The following ENTHD1 variants were observed in gnomAD, a reference collection of about 807,000 sequenced individuals.
ENTHD1 encodes the protein ENTH domain-containing protein 1.
ENTHD1 carries 23 observed loss-of-function variants against 39.1 expected under a neutral mutation model. The ratio of observed to expected loss-of-function variants is 0.59; its 90% CI spans 0.42 to 0.83. ENTHD1 has a LOEUF of 0.83. ENTHD1 is among the 40% of genes least tolerant of loss of function. The probability of loss-of-function intolerance (pLI) is 0.00; values close to 1 mark genes in which losing one functional copy is unlikely to be tolerated. For missense variants in ENTHD1, 624 were observed against 705.4 expected (o/e 0.88, Z 1.31); for synonymous variants, 230 against 258.2 (o/e 0.89, Z 1.05).
intron 3 of ENTHD1, among the ~76,000 whole-genome samples, chr22:39,860,581 C>T (rs1045528596): frequency 1.1e-4 from 16 of 152,296 alleles, no homozygotes; most frequent in African/African-American, 3.1e-4. Context: ...ACTGGGTGAA[C>T]GTTTGAAACT....
chr22:39,887,147 T>C lies in ENTHD1; in HGVS notation c.349+253A>G, dbSNP rs138122494. On this transcript the variant is annotated intron_variant, in intron 2 of 6. Transcript: ENST00000325157. ...TTAAGTACAACTCTTCCCCACCTCC[T>C]GGTATAAAATGATCCCCCAAAACTC... Among the ~76,000 whole-genome samples, 700 of 152,310 alleles carry C rather than the reference T, an allele frequency of 4.6e-3. 1 individual carries two copies. The highest frequency in any genetic ancestry group is 7.4e-3 in the Non-Finnish European group (503 of 68,034).
At chr22:39,756,123 C>T (rs983266564) in intron 6 of ENTHD1, among the ~76,000 whole-genome samples, 1 of 152,210 alleles carries the variant, frequency 6.6e-6, no homozygotes, top group Non-Finnish European at 1.5e-5. Context: ...CATGCTGCCT[C>T]TTCTGTGGAA....
chr22:39,858,769 GAA>G (rs1379248836), intron 3 of ENTHD1, among the ~76,000 whole-genome samples: 1 of 152,160 alleles, frequency 6.6e-6, no homozygotes, highest in Non-Finnish European at 1.5e-5. Flanking sequence ...TATTTTTAAA[GAA>G]ATCTTAAGGG....
At chr22:39,872,929 A>G (rs1195960751) in intron 2 of ENTHD1, among the ~76,000 whole-genome samples, 1 of 151,732 alleles carries the variant, frequency 6.6e-6, no homozygotes, top group Non-Finnish European at 1.5e-5. Flanking sequence ...TCTTGGGCTC[A>G]AGCTATCTTT....
chr22:39,789,580 T>C (rs2065487826), intron 5 of ENTHD1, among the ~76,000 whole-genome samples: 1 of 152,216 alleles, frequency 6.6e-6, no homozygotes, highest in African/African-American at 2.4e-5. Flanking sequence ...AAAATATATT[T>C]CTTAGGCAGT....
chr22:39,791,331 T>TATATATAAAGATATATTAAAA (rs2065502335), intron 5 of ENTHD1, among the ~76,000 whole-genome samples: 4 of 148,558 alleles, frequency 2.7e-5, no homozygotes, highest in African/African-American at 9.8e-5. Flanking sequence ...ATATATTAAA[T>TATATATAAAGATATATTAAAA]ATATATAAAG....
chr22:39,835,967 A>G lies in ENTHD1; in HGVS notation c.593-9T>C, dbSNP rs2065905168. ...TGCCTTGCACACATTTCCTGTCAAC[A>G]ATATAAAGCTTAAGATTTTACTTTG... On this transcript the variant is annotated splice_polypyrimidine_tract_variant and intron_variant, in intron 3 of 6. Coordinates refer to ENST00000325157, the MANE Select transcript of ENTHD1 (RefSeq NM_152512.4). 1 of 1,585,062 alleles carries G rather than the reference A, an allele frequency of 6.3e-7. No homozygotes were observed. The highest frequency in any genetic ancestry group is 1.4e-5 in the African/African-American group (1 of 73,852).
chr22:39,842,169 A>AT (rs1482412590), intron 3 of ENTHD1, among the ~76,000 whole-genome samples: 1 of 150,080 alleles, frequency 6.7e-6, no homozygotes, highest in African/African-American at 2.4e-5. Context: ...TGCCCTTAAC[A>AT]TTTTTTCCTT....
At chr22:39,829,098 A>G (rs571370026) in intron 4 of ENTHD1, among the ~76,000 whole-genome samples, 1 of 152,294 alleles carries the variant, frequency 6.6e-6, no homozygotes, top group East Asian at 1.9e-4. Flanking sequence ...TGTTCAACTT[A>G]CTAGGTTTTG....
chr22:39,877,688 G>A (rs1477052593), intron 2 of ENTHD1, among the ~76,000 whole-genome samples: 1 of 152,058 alleles, frequency 6.6e-6, no homozygotes, highest in Non-Finnish European at 1.5e-5. Flanking sequence ...GCTTCTAGCA[G>A]GGGAAGGAAA....
chr22:39,860,880 C>A (rs927129886), intron 3 of ENTHD1, among the ~76,000 whole-genome samples: 13 of 152,118 alleles, frequency 8.5e-5, no homozygotes, highest in Non-Finnish European at 1.2e-4. Context: ...TAGCATTTTT[C>A]TACTCATGTC....
At chr22:39,837,226 A>G (rs778197627) in intron 3 of ENTHD1, among the ~76,000 whole-genome samples, 5 of 152,204 alleles carry the variant, frequency 3.3e-5, no homozygotes, top group Non-Finnish European at 7.3e-5. Flanking sequence ...ATTGGTATAT[A>G]CACACTACTG....
chr22:39,815,577 C>G (rs1394804007), intron 5 of ENTHD1, among the ~76,000 whole-genome samples: 1 of 152,126 alleles, frequency 6.6e-6, no homozygotes, highest in Admixed American at 6.5e-5. Context: ...CTGGCATTAC[C>G]TAGCAAATTT....
intron 1 of ENTHD1, among the ~76,000 whole-genome samples, chr22:39,890,136 AAATAAAT>A (rs1333684808): frequency 6.2e-4 from 94 of 150,844 alleles, no homozygotes; most frequent in Non-Finnish European, 6.7e-4. Flanking sequence ...ATAAATAAAT[AAATAAAT>A]AAATAAAAAA....
At chr22:39,859,112 C>T (rs2066119168) in intron 3 of ENTHD1, among the ~76,000 whole-genome samples, 1 of 152,162 alleles carries the variant, frequency 6.6e-6, no homozygotes, top group Non-Finnish European at 1.5e-5. Flanking sequence ...CCTCATGAAC[C>T]CACCTCTGCT....
intron 3 of ENTHD1, among the ~76,000 whole-genome samples, chr22:39,859,272 A>T (rs2066120344): frequency 6.6e-6 from 1 of 152,168 alleles, no homozygotes; most frequent in African/African-American, 2.4e-5. Context: ...CTTTCTCTAT[A>T]ACAGCAATAA....
rs2066189059 is a variant in ENTHD1 at position 39,867,127 on chromosome 22, TCTCCTGAC to T, written c.350-5128_350-5121del. On this transcript the variant is annotated intron_variant, in intron 2 of 6. Transcript: ENST00000325157. The surrounding 1 kb of genome is among the most constrained non-coding windows in gnomAD (Gnocchi z 4.5). ...ACCGTGTTAGCCAGGATGGTCTTGA[TCTCCTGAC>T]CTCACGATCCACCCACCTCAGCCTC... Among the ~76,000 whole-genome samples the T allele has an allele frequency of 6.6e-6, 1 of 152,042 alleles. No homozygotes were observed. Among genetic ancestry groups the T allele is most frequent in the African/African-American group, 2.4e-5 (1 of 41,390 alleles).
intron 2 of ENTHD1, among the ~76,000 whole-genome samples, chr22:39,882,385 A>G (rs2146767690): frequency 1.3e-5 from 2 of 152,346 alleles, no homozygotes; most frequent in South Asian, 4.1e-4. Flanking sequence ...CAAAACATGG[A>G]CAGCGATAAA....
At chr22:39,856,606 C>T (rs1448122829) in intron 3 of ENTHD1, among the ~76,000 whole-genome samples, 1 of 152,040 alleles carries the variant, frequency 6.6e-6, no homozygotes, top group Non-Finnish European at 1.5e-5. Flanking sequence ...AATAATGATG[C>T]CATCATTGAC....
Sources: gnomAD v4.1 joint callset for allele counts (sites outside exome capture counted in the v4.1 genomes callset) on GRCh38, gnomAD v4.1.1 for gene constraint, Gnocchi (gnomAD v3.1) non-coding constraint, MANE v1.5 for transcripts, NCBI Gene and HGNC (gene_info 2026-07-23, HGNC 2026-07-21) for gene names.